CCNB3: variants seen among roughly 807,000 people sequenced by gnomAD.
CCNB3 encodes cyclin B3, also known as G2/mitotic-specific cyclin-B3.
A neutral mutation model predicts 68.0 loss-of-function variants in CCNB3; 12 were observed. The observed-to-expected ratio is 0.18, with a 90% CI of 0.11 to 0.29. The LOEUF (loss-of-function observed/expected upper bound fraction) is 0.29, where lower values mean the gene tolerates loss of function less well. Ranked by LOEUF, CCNB3 falls within the 10% of genes least tolerant of loss-of-function variation. The pLI is 1.00. For synonymous variants in CCNB3, 354 were observed against 388.9 expected (o/e 0.91, Z 1.06); for missense variants, 904 against 993.1 (o/e 0.91, Z 1.21).
chrX:50,308,725 G>A lies in CCNB3; in HGVS notation c.556G>A (p.Glu186Lys), dbSNP rs1557213909. 8.3e-7 allele frequency: 1 copy of A among 1,210,973 alleles called. No homozygotes were observed. The highest frequency in any genetic ancestry group is 1.8e-5 in the South Asian group (1 of 56,934). Residue 186 changes from glutamate to lysine, a missense_variant, in exon 6 of 13, where the codon GAG becomes AAG. Around this residue, in one of 2 missense-constraint regions of CCNB3, gnomAD observed 619 missense variants for 609.8 expected, o/e 1.02. Transcript: ENST00000376042. ...LSLKKCSNHEEVSLLEKLQPL... is the reference protein window; with the variant it reads ...LSLKKCSNHEKVSLLEKLQPL... ...TTTAAAAAAGTGCTCAAATCATGAG[G>A]AGGTGTCCTTACTGGAAAAGCTACA...
At chrX:50,290,595 C>T (rs1936331388) in intron 4 of CCNB3, among the ~76,000 whole-genome samples, 1 of 112,126 alleles carries the variant, frequency 8.9e-6, no homozygotes, top group Non-Finnish European at 1.9e-5. Context: ...TGTGACATCT[C>T]AGTCCCTTTT....
At chrX:50,296,261 A>T (rs1228112565) in intron 5 of CCNB3, among the ~76,000 whole-genome samples, 18 of 94,417 alleles carry the variant, frequency 1.9e-4, no homozygotes, top group Non-Finnish European at 2.1e-5. Flanking sequence ...TATATCTCCT[A>T]ATGCTATCCC....
At chrX:50,228,040 AAT>A (rs1315601246) in intron 1 of CCNB3, among the ~76,000 whole-genome samples, 2 of 87,928 alleles carry the variant, frequency 2.3e-5, no homozygotes, top group African/African-American at 8.6e-5. Flanking sequence ...ATATAGAGAG[AAT>A]ATATATATAA....
intron 8 of CCNB3, among the ~76,000 whole-genome samples, chrX:50,323,736 T>A (rs1922158573): frequency 8.9e-6 from 1 of 112,259 alleles, no homozygotes; most frequent in African/African-American, 3.2e-5. Flanking sequence ...GATTCCTTTT[T>A]AAGTTTCTGT....
At chrX:50,223,197 T>G (rs1412619473) in intron 1 of CCNB3, among the ~76,000 whole-genome samples, 2 of 111,100 alleles carry the variant, frequency 1.8e-5, no homozygotes, top group African/African-American at 6.5e-5. Context: ...TTCCTTGCAT[T>G]GGGTTAGAAC....
chrX:50,340,685 G>T (rs1260445039), intron 8 of CCNB3, among the ~76,000 whole-genome samples: 1 of 112,014 alleles, frequency 8.9e-6, no homozygotes, highest in Non-Finnish European at 1.9e-5. Context: ...GGCTTGAAGG[G>T]CTGCATTCAC....
chrX:50,210,214 TA>T (rs1935461601), intron 1 of CCNB3, among the ~76,000 whole-genome samples: 1 of 111,300 alleles, frequency 9.0e-6, no homozygotes, highest in Non-Finnish European at 1.9e-5. Flanking sequence ...AAGGAGAGTT[TA>T]TGAGAATGTT....
intron 1 of CCNB3, among the ~76,000 whole-genome samples, chrX:50,226,245 AG>A (rs1190952462): frequency 5.8e-5 from 4 of 69,128 alleles, no homozygotes; most frequent in East Asian, 4.5e-4. Context: ...TTATATATAT[AG>A]AATATATATA....
chrX:50,308,691 G>A lies in CCNB3; in HGVS notation c.522G>A (p.Lys174=). The change falls in exon 6 of 13, where the codon AAG becomes AAA. Residue 174 remains lysine, a synonymous_variant. Coordinates refer to ENST00000376042, the MANE Select transcript of CCNB3 (RefSeq NM_033031.3). ...PTIEDETLIN[K]SLSLKKCSNH... ...TTGAGGATGAAACCCTTATCAATAA[G>A]TCATTATCTTTAAAAAAGTGCTCAA... 1 of 1,211,151 alleles carries A rather than the reference G, an allele frequency of 8.3e-7. No homozygotes were observed. Among genetic ancestry groups the A allele is most frequent in the Non-Finnish European group, 1.1e-6 (1 of 895,135 alleles).
intron 1 of CCNB3, among the ~76,000 whole-genome samples, chrX:50,213,437 T>C (rs1453407559): frequency 9.0e-6 from 1 of 111,694 alleles, no homozygotes; most frequent in African/African-American, 3.3e-5. Flanking sequence ...ATTTTGTTTC[T>C]ATATTCATGA....
intron 1 of CCNB3, among the ~76,000 whole-genome samples, chrX:50,227,072 T>G (rs1314167746): frequency 1.3e-5 from 1 of 79,075 alleles, no homozygotes; most frequent in Non-Finnish European, 2.2e-5. Flanking sequence ...TATATACAAA[T>G]ATAAAGAATA....
At position 50,304,151 on chromosome X, in the gene CCNB3, G is replaced by A. The variant is rs557269659; in HGVS notation, c.336-4354G>A. 2.7e-5 allele frequency among the ~76,000 whole-genome samples: 3 copies of A among 110,955 alleles called. No homozygotes were observed. The Admixed American group carries it at 2.9e-4, about 11-fold the overall frequency. On this transcript the variant is annotated intron_variant, in intron 5 of 12. Transcript: ENST00000376042. ...GTTGACCATAAATGTGTTTATATATGGACTCTCAATTTTATTCCATTTATC... is the reference window on the plus strand; with the variant it reads ...GTTGACCATAAATGTGTTTATATATAGACTCTCAATTTTATTCCATTTATC...
At chrX:50,297,322 G>A (rs1475548823) in intron 5 of CCNB3, among the ~76,000 whole-genome samples, 1 of 111,595 alleles carries the variant, frequency 9.0e-6, no homozygotes, top group Non-Finnish European at 1.9e-5. Flanking sequence ...TGAAAGGAAG[G>A]GATCCAGTTT....
At chrX:50,318,310 G>A (rs1349275658) in intron 8 of CCNB3, among the ~76,000 whole-genome samples, 5 of 109,713 alleles carry the variant, frequency 4.6e-5, no homozygotes, top group Admixed American at 2.0e-4. Flanking sequence ...TCTGGAGTTC[G>A]AGACTAGCCT....
Position 50,310,706 on chromosome X carries a change from A to G in CCNB3, c.2537A>G (p.Lys846Arg), listed in dbSNP as rs147449080. 155 of 1,209,042 alleles carry G rather than the reference A, an allele frequency of 1.3e-4. No individual in the cohort carries two copies. In the African/African-American group the frequency reaches 2.4e-3, roughly 19 times the overall value. ...EPSTEKEAVL[K>R]EPSVDTEAHF... is the part of the protein sequence containing the mutation. ...AGCACTGAGAAGGAGGCTGTCCTCA[A>G]GGAGCCCAGTGTTGACACAGAAGCT... Residue 846 changes from lysine (K) to arginine (R), a missense_variant, in exon 6 of 13, where the codon AAG (lysine) becomes AGG (arginine). Transcript: ENST00000376042.
intron 8 of CCNB3, among the ~76,000 whole-genome samples, chrX:50,337,362 GGT>G (rs1466696161): frequency 9.0e-6 from 1 of 110,683 alleles, no homozygotes; most frequent in Non-Finnish European, 1.9e-5. Context: ...TCCCTCGGTG[GGT>G]GGAGTGACAG....
chrX:50,212,156 G>A (rs1332348359), intron 1 of CCNB3, among the ~76,000 whole-genome samples: 34 of 112,185 alleles, frequency 3.0e-4, no homozygotes, highest in Non-Finnish European at 5.1e-4. Context: ...TTCATTATGA[G>A]CTTTATCTTT....
chrX:50,226,975 A>ATAGTATATATATAGAATATATG lies in CCNB3; in HGVS notation c.-113+22046_-113+22047insGTAGTATATATATAGAATATAT, dbSNP rs1935856453. On this transcript the variant is annotated intron_variant, in intron 1 of 12. Transcript: ENST00000376042. ...TATATAGTATATATATAGAATATAT[A>ATAGTATATATATAGAATATATG]TAGTATATATATAGAATATATAAAT... 5.2e-4 allele frequency among the ~76,000 whole-genome samples: 39 copies of ATAGTATATATATAGAATATATG among 75,510 alleles called. 1 individual carries two copies. Among genetic ancestry groups the ATAGTATATATATAGAATATATG allele is most frequent in the African/African-American group, 2.2e-3 (39 of 17,760 alleles). The allele number at this position is 75,510 out of a possible 115,157, so 65.6% of individuals were successfully genotyped here. A position where few individuals can be genotyped will look rare whatever the true frequency, so the allele number is the denominator to read the frequency against.
intron 8 of CCNB3, among the ~76,000 whole-genome samples, chrX:50,341,171 A>T (rs1209341335): frequency 9.2e-6 from 1 of 109,194 alleles, no homozygotes; most frequent in Non-Finnish European, 1.9e-5. Flanking sequence ...TCTACTAAAA[A>T]TACAAAAAAT....
Sources: allele counts gnomAD v4.1 joint callset (sites outside exome capture counted in the v4.1 genomes callset), GRCh38; gene constraint gnomAD v4.1.1; regional missense constraint gnomAD v4.1.1; transcripts MANE v1.5; gene names NCBI Gene and HGNC (gene_info 2026-07-23, HGNC 2026-07-21).